FRS2: variants seen among roughly 807,000 people sequenced by gnomAD.
FRS2 encodes fibroblast growth factor receptor substrate 2, also known as FGFR signalling adaptor.
Under a neutral mutation model 43.9 loss-of-function variants are expected in FRS2, and 8 were observed. The observed-to-expected ratio is 0.18, with a 90% CI of 0.11 to 0.33. The LOEUF (loss-of-function observed/expected upper bound fraction) is 0.33, where lower values mean the gene tolerates loss of function less well. Among genes scored for constraint, FRS2 ranks in the 10% least tolerant of loss-of-function variants. FRS2 has a pLI of 1.00. For synonymous variants in FRS2, 219 were observed against 220.3 expected (o/e 0.99, Z 0.05); for missense variants, 534 against 627.6 (o/e 0.85, Z 1.59).
In FRS2 at chr12:69,578,499, C is replaced by G. The variant is rs976033862; in HGVS notation, c.*3544C>G. The G allele has an allele frequency of 6.6e-6, 1 of 152,454 alleles. No individual in the cohort carries two copies. Among genetic ancestry groups the G allele is most frequent in the East Asian group, 1.9e-4 (1 of 5,202 alleles). The allele number at this position is 152,454 out of a possible 1,614,324, so 9.4% of individuals were successfully genotyped here. A position where few individuals can be genotyped will look rare whatever the true frequency, so the allele number is the denominator to read the frequency against. ...TTCTTTACATCCCTGTTCCCCATCC[C>G]TACTTCCTCATTTTTGGTATAACAC... On this transcript the variant is annotated 3_prime_UTR_variant, in exon 9 of 9. Coordinates refer to ENST00000549921, the MANE Select transcript of FRS2 (RefSeq NM_001278356.2).
chr12:69,546,959 A>G (rs1204530690), intron 3 of FRS2, among the ~76,000 whole-genome samples: 1 of 152,232 alleles, frequency 6.6e-6, no homozygotes, highest in Non-Finnish European at 1.5e-5. Context: ...AGGTGGAAGC[A>G]ACCCAAGTGT....
At chr12:69,535,315 A>G (rs1347125188) in intron 3 of FRS2, among the ~76,000 whole-genome samples, 1 of 152,224 alleles carries the variant, frequency 6.6e-6, no homozygotes, top group African/African-American at 2.4e-5. Flanking sequence ...GTTGATGTAG[A>G]TACTTAAATG....
intron 1 of FRS2, among the ~76,000 whole-genome samples, chr12:69,479,444 C>A (rs921287309): frequency 7.1e-6 from 1 of 140,474 alleles, no homozygotes; most frequent in Non-Finnish European, 1.5e-5. Flanking sequence ...TGTTGCCAGG[C>A]TGGAGTGCAG....
intron 1 of FRS2, among the ~76,000 whole-genome samples, chr12:69,492,528 CAAA>C (rs1872568724): frequency 6.6e-6 from 1 of 152,132 alleles, no homozygotes; most frequent in African/African-American, 2.4e-5. Flanking sequence ...AGGGATAAGA[CAAA>C]GAACCATCTG....
intron 3 of FRS2, among the ~76,000 whole-genome samples, chr12:69,536,849 G>A (rs965077359): frequency 3.9e-5 from 6 of 152,046 alleles, no homozygotes; most frequent in African/African-American, 1.2e-4. Flanking sequence ...AATTACAGAT[G>A]TAAGCCACCG....
rs1870801209 is a variant in FRS2 at position 69,476,665 on chromosome 12, T to C, written c.-261+6135T>C. ...GACACAAACCAATTATGAACATAAG[T>C]GCTTATTGAAATTGCATCAGTTGTC... On this transcript the variant is annotated intron_variant, in intron 1 of 8. Transcript: ENST00000549921. Among the ~76,000 whole-genome samples, 5 of 150,880 alleles carry C rather than the reference T, an allele frequency of 3.3e-5. No homozygotes were observed. The South Asian group carries it at 1.0e-3, about 32-fold the overall frequency.
chr12:69,478,167 G>A (rs905934095), intron 1 of FRS2, among the ~76,000 whole-genome samples: 4 of 152,096 alleles, frequency 2.6e-5, no homozygotes, highest in Non-Finnish European at 5.9e-5. Context: ...CTAAGAAGCT[G>A]TAGTTTCATA....
At chr12:69,505,826 G>A (rs147524841) in intron 1 of FRS2, among the ~76,000 whole-genome samples, 141 of 152,298 alleles carry the variant, frequency 9.3e-4, no homozygotes, top group African/African-American at 3.3e-3. Flanking sequence ...ACCTCATTTT[G>A]TGATGATTAC....
Position 69,484,133 on chromosome 12 carries a change from A to G in FRS2, c.-261+13603A>G, listed in dbSNP as rs375885248. Among the ~76,000 whole-genome samples, 138 of 150,284 alleles carry G rather than the reference A, an allele frequency of 9.2e-4. 1 individual carries two copies. The highest frequency in any genetic ancestry group is 1.8e-3 in the Non-Finnish European group (121 of 67,476). ...AGAGTCTCGCTCTGTCGCCCAGGCT[A>G]GAGTGCAGTGGTGCAATCTCGGCTC... On this transcript the variant is annotated intron_variant, in intron 1 of 8. Transcript: ENST00000549921.
intron 1 of FRS2, among the ~76,000 whole-genome samples, chr12:69,525,237 A>G (rs1386368375): frequency 6.6e-6 from 1 of 151,766 alleles, no homozygotes; most frequent in Non-Finnish European, 1.5e-5. Flanking sequence ...GTCATGGCCT[A>G]GAATGTGTGT....
At chr12:69,502,816 G>T (rs1873577701) in intron 1 of FRS2, among the ~76,000 whole-genome samples, 1 of 152,146 alleles carries the variant, frequency 6.6e-6, no homozygotes, top group African/African-American at 2.4e-5. Flanking sequence ...GTCTGCCTCT[G>T]GTCTTCCTGT....
At chr12:69,476,411 G>A (rs1870777505) in intron 1 of FRS2, among the ~76,000 whole-genome samples, 1 of 152,102 alleles carries the variant, frequency 6.6e-6, no homozygotes, top group African/African-American at 2.4e-5. Flanking sequence ...TTATTACTCT[G>A]TTGATTAGCC....
intron 4 of FRS2, among the ~76,000 whole-genome samples, chr12:69,566,369 C>A (rs1880296173): frequency 6.6e-6 from 1 of 152,086 alleles, no homozygotes; most frequent in African/African-American, 2.4e-5. Flanking sequence ...TATGTACTTT[C>A]AAGAAGACTT....
intron 3 of FRS2, among the ~76,000 whole-genome samples, chr12:69,543,150 A>G (rs1219134768): frequency 2.0e-5 from 3 of 152,230 alleles, no homozygotes; most frequent in East Asian, 1.9e-4. Flanking sequence ...CATATTTTTC[A>G]TGAGATAGCT....
At chr12:69,485,111 A>ACC (rs973178570) in intron 1 of FRS2, among the ~76,000 whole-genome samples, 1 of 146,988 alleles carries the variant, frequency 6.8e-6, no homozygotes, top group African/African-American at 2.6e-5. Context: ...ACACACACAC[A>ACC]CACACACACA....
At chr12:69,550,986 A>G (rs1055478322) in intron 3 of FRS2, among the ~76,000 whole-genome samples, 2 of 152,188 alleles carry the variant, frequency 1.3e-5, no homozygotes, top group Non-Finnish European at 2.9e-5. Flanking sequence ...GGAATAAAAC[A>G]TCTTCTTAGA....
chr12:69,478,068 G>T (rs1401764341), intron 1 of FRS2, among the ~76,000 whole-genome samples: 1 of 152,076 alleles, frequency 6.6e-6, no homozygotes, highest in Non-Finnish European at 1.5e-5. Flanking sequence ...CCCTGTGTCT[G>T]ATGGTTTTTG....
At chr12:69,484,540 C>G (rs1871655819) in intron 1 of FRS2, among the ~76,000 whole-genome samples, 2 of 152,168 alleles carry the variant, frequency 1.3e-5, no homozygotes, top group African/African-American at 2.4e-5. Flanking sequence ...CCTAGTTACT[C>G]TCCTCAATTT....
Position 69,573,256 on chromosome 12 carries a change from T to C in FRS2, c.577-749T>C, listed in dbSNP as rs142392393. Among the ~76,000 whole-genome samples, 603 of 152,344 alleles carry C rather than the reference T, an allele frequency of 4.0e-3. 4 individuals are homozygous for C. The highest frequency in any genetic ancestry group is 0.014 in the African/African-American group (576 of 41,582). On this transcript the variant is annotated intron_variant, in intron 8 of 8. Coordinates refer to ENST00000549921, the MANE Select transcript of FRS2 (RefSeq NM_001278356.2). ...TTTACAGAACTCTTATTAAATCTAG[T>C]GGAGTTAATCTTCTTATACATTCAG...
Sources: gnomAD v4.1 joint callset for allele counts (sites outside exome capture counted in the v4.1 genomes callset) on GRCh38, gnomAD v4.1.1 for gene constraint, MANE v1.5 for transcripts, NCBI Gene and HGNC (gene_info 2026-07-23, HGNC 2026-07-21) for gene names.